The following IGF1R variants were observed in gnomAD, a reference collection of about 807,000 sequenced individuals.
The protein encoded by IGF1R is insulin-like growth factor 1 receptor.
A neutral mutation model predicts 144.6 loss-of-function variants in IGF1R; 44 were observed. The observed-to-expected ratio is 0.30, with a 90% CI of 0.24 to 0.39. The LOEUF is 0.39. IGF1R is among the 10% of genes least tolerant of loss of function. IGF1R has a pLI of 1.00. For synonymous variants in IGF1R, 795 were observed against 722.8 expected, an observed-to-expected ratio of 1.10 and a Z score of -1.60; for missense variants, 1,355 against 1,833.7, an observed-to-expected ratio of 0.74 and a Z score of 4.77.
At chr15:98,789,146 C>A (rs1017115701) in intron 2 of IGF1R, among the ~76,000 whole-genome samples, 1 of 152,178 alleles carries the variant, frequency 6.6e-6, no homozygotes, top group Non-Finnish European at 1.5e-5. Flanking sequence ...TTAAACTTAA[C>A]TCAGATCGTG....
At chr15:98,842,731 G>A (rs1461642027) in intron 2 of IGF1R, among the ~76,000 whole-genome samples, 1 of 152,182 alleles carries the variant, frequency 6.6e-6, no homozygotes, top group Non-Finnish European at 1.5e-5. Context: ...ATGCTTTAAA[G>A]AACAATTTTG....
At chr15:98,746,524 C>A (rs1437462309) in intron 2 of IGF1R, among the ~76,000 whole-genome samples, 1 of 152,128 alleles carries the variant, frequency 6.6e-6, no homozygotes, top group South Asian at 2.1e-4. Flanking sequence ...GATGAGTCAT[C>A]CCGGCAGCCC....
At chr15:98,732,406 C>T (rs1046098852) in intron 2 of IGF1R, among the ~76,000 whole-genome samples, 19 of 152,148 alleles carry the variant, frequency 1.2e-4, no homozygotes, top group African/African-American at 4.3e-4. Flanking sequence ...TCTGCCTTCC[C>T]TAGGAGACTG....
chr15:98,735,469 C>T (rs1375800989), intron 2 of IGF1R, among the ~76,000 whole-genome samples: 2 of 152,224 alleles, frequency 1.3e-5, no homozygotes, highest in Admixed American at 6.5e-5. Flanking sequence ...CAATCTGTTC[C>T]AGTGGCACAG....
chr15:98,773,741 G>A (rs1223650087), intron 2 of IGF1R, among the ~76,000 whole-genome samples: 1 of 152,150 alleles, frequency 6.6e-6, no homozygotes, highest in African/African-American at 2.4e-5. Flanking sequence ...CCCTTAGAAC[G>A]CTGCTCAGAA....
intron 1 of IGF1R, among the ~76,000 whole-genome samples, chr15:98,673,529 G>A (rs1210907280): frequency 6.6e-6 from 1 of 152,168 alleles, no homozygotes; most frequent in African/African-American, 2.4e-5. Context: ...TGCTTTTAAG[G>A]CAGAAACACC....
chr15:98,896,691 T>A (rs2014213928), intron 3 of IGF1R, 66 bp from the exon 4 acceptor site: 1 of 1,503,270 alleles, frequency 6.7e-7, no homozygotes, highest in East Asian at 2.3e-5. Context: ...ATCCTTATGG[T>A]TTTTTTAATG....
intron 20 of IGF1R, among the ~76,000 whole-genome samples, chr15:98,951,694 A>G (rs1288740541): frequency 1.3e-5 from 2 of 152,234 alleles, no homozygotes; most frequent in African/African-American, 4.8e-5. Flanking sequence ...TATGCCCTGC[A>G]TGAATCGCCC....
intron 8 of IGF1R, among the ~76,000 whole-genome samples, chr15:98,915,695 T>C (rs930494991): frequency 1.3e-5 from 2 of 152,274 alleles, no homozygotes; most frequent in Non-Finnish European, 1.5e-5. Flanking sequence ...TAACCCTGCT[T>C]GTGCCCCCGC....
intron 2 of IGF1R, among the ~76,000 whole-genome samples, chr15:98,804,783 C>T (rs749620826): frequency 1.3e-5 from 2 of 152,204 alleles, no homozygotes; most frequent in African/African-American, 2.4e-5. Context: ...CTGCAACCTC[C>T]ACATCCCCAG....
At chr15:98,912,185 T>C (rs1161787770) in intron 7 of IGF1R, among the ~76,000 whole-genome samples, 3 of 152,156 alleles carry the variant, frequency 2.0e-5, no homozygotes, top group African/African-American at 7.2e-5. Flanking sequence ...ATCCCATAGT[T>C]CTCTCTCCCA....
chr15:98,736,610 CTTTTTTCTTTTT>C (rs372475226), intron 2 of IGF1R, among the ~76,000 whole-genome samples: 4,059 of 139,020 alleles, frequency 0.029, 197 homozygotes, highest in African/African-American at 0.099. Context: ...TTTCTTTTTT[CTTTTTTCTTTTT>C]TTTTTTTGAG....
At chr15:98,780,132 T>G (rs2055820297) in intron 2 of IGF1R, among the ~76,000 whole-genome samples, 1 of 151,574 alleles carries the variant, frequency 6.6e-6, no homozygotes, top group Non-Finnish European at 1.5e-5. Context: ...CATTCGCATT[T>G]ATTGAAAACT....
Position 98,960,036 on chromosome 15 carries a change from G to T in IGF1R, c.*2594G>T. The T allele has an allele frequency of 4.3e-6, 1 of 233,102 alleles. No individual in the cohort carries two copies. Among genetic ancestry groups the T allele is most frequent in the Non-Finnish European group, 8.5e-6 (1 of 117,956 alleles). The allele number at this position is 233,102 out of a possible 1,614,324, so 14.4% of individuals were successfully genotyped here. A position where few individuals can be genotyped will look rare whatever the true frequency, so the allele number is the denominator to read the frequency against. ...TGATGGGACAGTTCTTGATTTTTTG[G>T]GTTTTTTTTCCCCCAAACATTTATC... On this transcript the variant is annotated 3_prime_UTR_variant, in exon 21 of 21. Coordinates refer to ENST00000650285, the MANE Select transcript of IGF1R (RefSeq NM_000875.5).
chr15:98,787,174 A>G (rs1380558822), intron 2 of IGF1R, among the ~76,000 whole-genome samples: 3 of 152,156 alleles, frequency 2.0e-5, no homozygotes, highest in Non-Finnish European at 4.4e-5. Context: ...ATGGCATAAA[A>G]GTGGGACTTC....
Position 98,891,455 on chromosome 15 carries a change from C to A in IGF1R, c.771C>A (p.Ala257=), listed in dbSNP as rs541600015. 1 of 1,613,988 alleles carries A rather than the reference C, an allele frequency of 6.2e-7. No homozygotes were observed. Among genetic ancestry groups the A allele is most frequent in the Non-Finnish European group, 8.5e-7 (1 of 1,180,042 alleles). ...ACVACRHYYY[A]GVCVPACPPN... ...TAGCTTGCCGCCACTACTACTATGC[C>A]GGTGTCTGTGTGCCTGCCTGCCCGC... Residue 257 remains alanine (A), a synonymous_variant, in exon 3 of 21, where the codon GCC becomes GCA. Transcript: ENST00000650285. This position sits in a 1 kb window ranked among gnomAD's most constrained non-coding sequence, Gnocchi z 4.7.
intron 2 of IGF1R, among the ~76,000 whole-genome samples, chr15:98,719,600 A>G (rs1208645608): frequency 1.3e-5 from 2 of 152,144 alleles, no homozygotes; most frequent in Non-Finnish European, 2.9e-5. Flanking sequence ...GACCTAACAG[A>G]CTGCCATTTT....
Position 98,866,209 on chromosome 15 carries a change from C to A in IGF1R, c.641-25116C>A, listed in dbSNP as rs45475998. Among the ~76,000 whole-genome samples, 1,456 of 152,306 alleles carry A rather than the reference C, an allele frequency of 9.6e-3. 20 individuals carry two copies. Among genetic ancestry groups the A allele is most frequent in the Non-Finnish European group, 0.012 (830 of 68,026 alleles). ...GAACAGCCCAGGACGCTCCTGCCGT[C>A]CACAGGAAGACGCCTCTGTCTCTGT... is the stretch of plus-strand genomic sequence containing the variant. On this transcript the variant is annotated intron_variant, in intron 2 of 20. Coordinates refer to ENST00000650285, the MANE Select transcript of IGF1R (RefSeq NM_000875.5).
At chr15:98,671,142 G>A (rs964986802) in intron 1 of IGF1R, among the ~76,000 whole-genome samples, 2 of 152,246 alleles carry the variant, frequency 1.3e-5, no homozygotes, top group Non-Finnish European at 2.9e-5. Flanking sequence ...TTGCTCAAAA[G>A]AGAGCAGTGT....
Sources: allele counts gnomAD v4.1 joint callset (sites outside exome capture counted in the v4.1 genomes callset), GRCh38; gene constraint gnomAD v4.1.1; non-coding constraint Gnocchi (gnomAD v3.1); transcripts MANE v1.5; gene names NCBI Gene and HGNC (gene_info 2026-07-23, HGNC 2026-07-21).